Variants in DOCK3 observed in about 807,000 individuals in gnomAD.
DOCK3 encodes dedicator of cytokinesis protein 3.
In DOCK3, 60 loss-of-function variants were observed where a neutral mutation model predicts 265.6. The observed-to-expected ratio is 0.23, with a 90% CI of 0.18 to 0.28. The LOEUF is 0.28. DOCK3 is among the 10% of genes least tolerant of loss of function. The probability of loss-of-function intolerance (pLI) is 1.00; values close to 1 mark genes in which losing one functional copy is unlikely to be tolerated. For missense variants in DOCK3, 1,981 were observed against 2,594.3 expected, an observed-to-expected ratio of 0.76 and a Z score of 5.14; for synonymous variants, 881 against 938.0, an observed-to-expected ratio of 0.94 and a Z score of 1.11.
intron 5 of DOCK3, among the ~76,000 whole-genome samples, chr3:50,954,905 A>G (rs1419774946): frequency 6.6e-6 from 1 of 152,112 alleles, no homozygotes; most frequent in Non-Finnish European, 1.5e-5. Context: ...GCCCATTCTT[A>G]TGTCCAGGGT....
rs548108424 is a variant in DOCK3 at position 51,150,519 on chromosome 3, A to T, written c.828+3889A>T. On this transcript the variant is annotated intron_variant, in intron 10 of 52. Transcript: ENST00000266037. Reference sequence around the variant, plus strand: ...ACACACTGCTTTGAATGTGTCCCAGAGATTCTGGTACGTTGTGTCTTCATT... The same window carrying T: ...ACACACTGCTTTGAATGTGTCCCAGTGATTCTGGTACGTTGTGTCTTCATT... 1.5e-4 allele frequency among the ~76,000 whole-genome samples: 23 copies of T among 152,342 alleles called. No individual in the cohort carries two copies. In the South Asian group the frequency reaches 2.7e-3, roughly 18 times the overall value.
rs553067700 is a variant in DOCK3, at chr3:51,379,355, C to T, written c.5501-770C>T. 2.2e-5 allele frequency: 21 copies of T among 973,026 alleles called. 1 individual carries two copies. The South Asian group carries it at 4.3e-4, about 20-fold the overall frequency. The allele number at this position is 973,026 out of a possible 1,614,324, so 60.3% of individuals were successfully genotyped here. A position where few individuals can be genotyped will look rare whatever the true frequency, so the allele number is the denominator to read the frequency against. ...GCATGCCCCACATGTGTGCTGGATA[C>T]GTGGTGCACACTGGAGAAGCCACAA... is the stretch of plus-strand genomic sequence containing the variant. On this transcript the variant is annotated intron_variant, in intron 51 of 52. Coordinates refer to ENST00000266037, the MANE Select transcript of DOCK3 (RefSeq NM_004947.5).
At chr3:51,084,641 G>T (rs1338485996) in intron 7 of DOCK3, among the ~76,000 whole-genome samples, 1 of 152,048 alleles carries the variant, frequency 6.6e-6, no homozygotes, top group Non-Finnish European at 1.5e-5. Flanking sequence ...CTACCATCAT[G>T]AAAACACACA....
chr3:51,273,119 G>A (rs1293055376), intron 24 of DOCK3, among the ~76,000 whole-genome samples: 1 of 148,486 alleles, frequency 6.7e-6, no homozygotes, highest in Non-Finnish European at 1.5e-5. Flanking sequence ...CCGAGATCAC[G>A]CCACCGCACT....
At chr3:51,306,008 T>A (rs2082669291) in intron 27 of DOCK3, among the ~76,000 whole-genome samples, 1 of 150,558 alleles carries the variant, frequency 6.6e-6, no homozygotes, top group Non-Finnish European at 1.5e-5. Flanking sequence ...CCAGCTAGTT[T>A]TTCTTTTTTT....
At chr3:51,001,436 C>A (rs955983048) in intron 5 of DOCK3, among the ~76,000 whole-genome samples, 2 of 152,120 alleles carry the variant, frequency 1.3e-5, no homozygotes, top group Non-Finnish European at 2.9e-5. Context: ...GGTTCTTGGG[C>A]CTTTGGAGTT....
chr3:50,717,555 A>G (rs2037195014), intron 1 of DOCK3, among the ~76,000 whole-genome samples: 2 of 152,242 alleles, frequency 1.3e-5, no homozygotes, highest in East Asian at 3.9e-4. Context: ...ATGTGAAATC[A>G]CCTACAGAAT....
chr3:51,227,494 A>G lies in DOCK3; in HGVS notation c.1540+49A>G, dbSNP rs538741052. ...ACATTCCCTTGAGAATATAAATATA[A>G]CTCTCTCCTCTCTTGAACAGAATTA... On this transcript the variant is annotated intron_variant, in intron 16 of 52. Coordinates refer to ENST00000266037, the MANE Select transcript of DOCK3 (RefSeq NM_004947.5). 4.0e-5 allele frequency: 64 copies of G among 1,605,680 alleles called. No individual in the cohort carries two copies. The South Asian group carries it at 6.2e-4, about 16-fold the overall frequency.
At chr3:50,889,006 C>T (rs1298093007) in intron 3 of DOCK3, among the ~76,000 whole-genome samples, 2 of 150,334 alleles carry the variant, frequency 1.3e-5, no homozygotes, top group Non-Finnish European at 3.0e-5. Context: ...TTATAGCCTT[C>T]ATTTGGGTGA....
At chr3:50,715,936 A>C (rs2037080706) in intron 1 of DOCK3, among the ~76,000 whole-genome samples, 1 of 152,102 alleles carries the variant, frequency 6.6e-6, no homozygotes, top group Admixed American at 6.6e-5. Context: ...TCTTTCCGTC[A>C]GCTGTGATTC....
chr3:50,795,377 A>C (rs1382852183), intron 2 of DOCK3, among the ~76,000 whole-genome samples: 3 of 151,654 alleles, frequency 2.0e-5, no homozygotes, highest in Admixed American at 1.3e-4. Context: ...TGAGTTATGG[A>C]TTTTGTCTCT....
chr3:51,107,639 A>T (rs979243509), intron 9 of DOCK3, among the ~76,000 whole-genome samples: 1 of 152,174 alleles, frequency 6.6e-6, no homozygotes, highest in Non-Finnish European at 1.5e-5. Flanking sequence ...AAGAATAAAG[A>T]AAAAAAGAAT....
At chr3:51,095,142 T>G (rs559914895) in intron 9 of DOCK3, among the ~76,000 whole-genome samples, 216 of 152,210 alleles carry the variant, frequency 1.4e-3, no homozygotes, top group African/African-American at 5.0e-3. Flanking sequence ...TTTAATTGGA[T>G]CATTTAGCCT....
At chr3:51,354,220 A>ACC (rs144722987) in intron 40 of DOCK3, among the ~76,000 whole-genome samples, 2,327 of 129,060 alleles carry the variant, frequency 0.018, 48 homozygotes, top group African/African-American at 0.051. Context: ...CTTGATCACC[A>ACC]CCCCCCCCCC....
At chr3:51,350,749 AC>A (rs917792135) in intron 40 of DOCK3, among the ~76,000 whole-genome samples, 3 of 152,204 alleles carry the variant, frequency 2.0e-5, no homozygotes, top group African/African-American at 7.2e-5. Flanking sequence ...CATATAGGGC[AC>A]CAGTAAAGCA....
In DOCK3 at chr3:50,818,862, C is replaced by A. The variant is rs950129040; in HGVS notation, c.122-22813C>A. ...TTTATTTAATGTCATTTTCCCTATC[C>A]CAATTAGTGTTAGAATCTGTTTCAA... On this transcript the variant is annotated intron_variant, in intron 2 of 52. Coordinates refer to ENST00000266037, the MANE Select transcript of DOCK3 (RefSeq NM_004947.5). 3.9e-5 allele frequency among the ~76,000 whole-genome samples: 6 copies of A among 152,116 alleles called. No homozygotes were observed. In the South Asian group the frequency reaches 1.0e-3, roughly 26 times the overall value.
At position 51,234,213 on chromosome 3, in the gene DOCK3, G is replaced by C. The variant is rs146011554; in HGVS notation, c.1918-2132G>C. ...CTGGGATGAGGTGACATCTCATTGT[G>C]GTTTCAATTTGCATTTCCCTGATGA... On this transcript the variant is annotated intron_variant, in intron 19 of 52. Coordinates refer to ENST00000266037, the MANE Select transcript of DOCK3 (RefSeq NM_004947.5). Among the ~76,000 whole-genome samples the C allele has an allele frequency of 1.6e-3, 248 of 152,182 alleles. 1 individual carries two copies. Among genetic ancestry groups the C allele is most frequent in the Admixed American group, 6.5e-3 (100 of 15,282 alleles).
intron 5 of DOCK3, among the ~76,000 whole-genome samples, chr3:50,963,669 C>T (rs1382987456): frequency 6.6e-6 from 1 of 152,140 alleles, no homozygotes; most frequent in Non-Finnish European, 1.5e-5. Context: ...AGAAACTGGA[C>T]ATCAAGCACA....
intron 5 of DOCK3, among the ~76,000 whole-genome samples, chr3:50,975,421 C>T (rs979791754): frequency 5.3e-5 from 8 of 150,220 alleles, no homozygotes; most frequent in Admixed American, 2.7e-4. Flanking sequence ...GTCTTTGGCT[C>T]TGTTTATATG....
Sources: gnomAD v4.1 joint callset for allele counts (sites outside exome capture counted in the v4.1 genomes callset) on GRCh38, gnomAD v4.1.1 for gene constraint, MANE v1.5 for transcripts, NCBI Gene and HGNC (gene_info 2026-07-23, HGNC 2026-07-21) for gene names.